ATP8B4: variants seen among roughly 807,000 people sequenced by gnomAD.
The protein encoded by ATP8B4 is probable phospholipid-transporting ATPase IM.
A neutral mutation model predicts 145.6 loss-of-function variants in ATP8B4; 133 were observed. The ratio of observed to expected loss-of-function variants is 0.91; its 90% CI spans 0.79 to 1.05. The LOEUF (loss-of-function observed/expected upper bound fraction) is 1.05. ATP8B4 is among the 50% of genes least tolerant of loss of function. ATP8B4 has a pLI of 0.00. For synonymous variants in ATP8B4, 507 were observed against 492.9 expected, an observed-to-expected ratio of 1.03 and a Z score of -0.38; for missense variants, 1,458 against 1,425.2, an observed-to-expected ratio of 1.02 and a Z score of -0.37.
intron 2 of ATP8B4, among the ~76,000 whole-genome samples, chr15:50,075,284 G>A (rs1340209621): frequency 6.6e-6 from 1 of 151,890 alleles, no homozygotes; most frequent in Non-Finnish European, 1.5e-5. Flanking sequence ...GATGAAGAGG[G>A]AGAGAAGGAA....
At chr15:50,155,172 T>A (rs1293075686) in intron 1 of ATP8B4, among the ~76,000 whole-genome samples, 1 of 152,140 alleles carries the variant, frequency 6.6e-6, no homozygotes, top group Non-Finnish European at 1.5e-5. Flanking sequence ...TAAATATATA[T>A]TCATTTTGTC....
In ATP8B4 at chr15:49,923,444, T is replaced by C; in HGVS notation, c.1693A>G (p.Ile565Val). The change falls in exon 17 of 28, where the codon ATT (isoleucine) becomes GTT (valine). Residue 565 changes from isoleucine to valine, a missense_variant. By Grantham distance (29) the Ile-to-Val change is conservative (BLOSUM62 3). Transcript: ENST00000284509. ...GAAGGATGAAGTTTTTCAAACAGAA[T>C]AGTATCTGCTCCTTTGGAATAAAGC... The part of the protein sequence containing the change: ...IKLYSKGADT[I>V]LFEKLHPSNE... 2 of 1,613,490 alleles carry C rather than the reference T, an allele frequency of 1.2e-6. No individual in the cohort carries two copies. Among genetic ancestry groups the C allele is most frequent in the Admixed American group, 1.7e-5 (1 of 59,802 alleles).
chr15:49,887,012 G>T (rs2413973), intron 23 of ATP8B4, among the ~76,000 whole-genome samples: 1 of 151,918 alleles, frequency 6.6e-6, no homozygotes, highest in Non-Finnish European at 1.5e-5. Flanking sequence ...GTTTTGCCAC[G>T]TTGGCCAGGC....
At chr15:50,172,722 C>T (rs1162538590) in intron 1 of ATP8B4, among the ~76,000 whole-genome samples, 1 of 151,898 alleles carries the variant, frequency 6.6e-6, no homozygotes, top group Non-Finnish European at 1.5e-5. Flanking sequence ...GGCTGCCCAT[C>T]GTCTGAGATG....
At chr15:50,122,522 G>T (rs2057279491), upstream of ATP8B4, among the ~76,000 whole-genome samples, 1 of 138,486 alleles carries the variant, frequency 7.2e-6, no homozygotes, top group Non-Finnish European at 1.5e-5. Flanking sequence ...TTTAGGTTTT[G>T]TTGTGTTTGT....
At chr15:49,996,969 A>G (rs2047481421) in intron 8 of ATP8B4, among the ~76,000 whole-genome samples, 1 of 152,154 alleles carries the variant, frequency 6.6e-6, no homozygotes, top group Admixed American at 6.6e-5. Flanking sequence ...CCCACGGCAC[A>G]TCTTTATAAC....
At chr15:50,074,334 A>T (rs934097004) in intron 2 of ATP8B4, 149 bp from the exon 3 acceptor site, 5 of 659,340 alleles carry the variant, frequency 7.6e-6, no homozygotes, top group Middle Eastern at 4.2e-4. Context: ...TTTCCAGTGT[A>T]CATGTTGGAA....
intron 6 of ATP8B4, among the ~76,000 whole-genome samples, chr15:50,031,646 A>C (rs1408727958): frequency 1.3e-5 from 2 of 151,990 alleles, no homozygotes; most frequent in Non-Finnish European, 2.9e-5. Flanking sequence ...CTTACCCAAG[A>C]CTGACATACT....
chr15:50,165,550 T>G (rs989186650), intron 1 of ATP8B4, among the ~76,000 whole-genome samples: 3 of 152,062 alleles, frequency 2.0e-5, no homozygotes, highest in Non-Finnish European at 2.9e-5. Context: ...AATAAAAAAG[T>G]TTTTAAAGGA....
chr15:50,067,863 T>G (rs2053485738), intron 3 of ATP8B4, among the ~76,000 whole-genome samples: 1 of 152,142 alleles, frequency 6.6e-6, no homozygotes, highest in Admixed American at 6.6e-5. Flanking sequence ...AAATACTGTT[T>G]GGAAAATAAA....
At chr15:49,972,443 T>TACC in intron 13 of ATP8B4, 139 bp downstream of exon 13, 16 of 705,494 alleles carry the variant, frequency 2.3e-5, no homozygotes, top group Non-Finnish European at 3.2e-5. Flanking sequence ...TATCAGCATC[T>TACC]ATATGGTAGA....
chr15:49,922,007 G>A (rs964873661), intron 17 of ATP8B4, among the ~76,000 whole-genome samples: 8 of 152,244 alleles, frequency 5.3e-5, no homozygotes, highest in African/African-American at 1.9e-4. Flanking sequence ...AACAGTGAAT[G>A]AACAATAAGA....
At chr15:50,052,054 T>C (rs1381604131) in intron 3 of ATP8B4, among the ~76,000 whole-genome samples, 1 of 152,166 alleles carries the variant, frequency 6.6e-6, no homozygotes, top group East Asian at 1.9e-4. Context: ...CCAGTCTACT[T>C]TTCTTTGTTT....
chr15:49,974,652 T>G (rs922915636), intron 12 of ATP8B4, among the ~76,000 whole-genome samples: 1 of 152,200 alleles, frequency 6.6e-6, no homozygotes, highest in Admixed American at 6.5e-5. Context: ...TATGCCAAGA[T>G]TATATATACA....
At chr15:49,881,139 A>G (rs1407554981) in intron 23 of ATP8B4, among the ~76,000 whole-genome samples, 1 of 150,742 alleles carries the variant, frequency 6.6e-6, no homozygotes, top group Non-Finnish European at 1.5e-5. Context: ...AAACAAAAAA[A>G]AGCCTTGATT....
chr15:50,087,022 T>C (rs181647350), intron 2 of ATP8B4, among the ~76,000 whole-genome samples: 19,327 of 110,754 alleles, frequency 0.17, 2,382 homozygotes, highest in Middle Eastern at 0.34. Flanking sequence ...TATATTATTA[T>C]ATATAATAAA....
intron 1 of ATP8B4, among the ~76,000 whole-genome samples, chr15:50,157,250 A>C (rs2044433441): frequency 1.3e-5 from 2 of 152,198 alleles, no homozygotes; most frequent in Admixed American, 6.5e-5. Flanking sequence ...TCCTTTATAT[A>C]GAGTGGCCTC....
chr15:50,026,553 C>A (rs1036012444), intron 6 of ATP8B4, among the ~76,000 whole-genome samples: 1 of 152,186 alleles, frequency 6.6e-6, no homozygotes, highest in Non-Finnish European at 1.5e-5. Flanking sequence ...CCGAGAGCAC[C>A]TGCTCTGAGC....
At chr15:50,018,301 T>C (rs1272287983) in intron 6 of ATP8B4, among the ~76,000 whole-genome samples, 1 of 152,168 alleles carries the variant, frequency 6.6e-6, no homozygotes, top group Non-Finnish European at 1.5e-5. Context: ...GAATTCTTAA[T>C]GAGTTCATCA....
Sources: allele counts gnomAD v4.1 joint callset (sites outside exome capture counted in the v4.1 genomes callset), GRCh38; gene constraint gnomAD v4.1.1; transcripts MANE v1.5; gene names NCBI Gene and HGNC (gene_info 2026-07-23, HGNC 2026-07-21).